FGFR2: variants seen among roughly 807,000 people sequenced by gnomAD.
The protein encoded by FGFR2 is fibroblast growth factor receptor 2.
A neutral mutation model predicts 95.9 loss-of-function variants in FGFR2; 19 were observed. That is an observed-to-expected ratio of 0.20 (90% CI 0.14 to 0.29). The LOEUF is 0.29. Among genes scored for constraint, FGFR2 ranks in the 10% least tolerant of loss-of-function variants. The pLI is 1.00. For missense variants in FGFR2, 707 were observed against 1,056.9 expected (o/e 0.67, Z 4.59); for synonymous variants, 392 against 393.3 (o/e 1.00, Z 0.04).
rs1845645784 is a variant in FGFR2, at chr10:121,488,025, A to G, written c.1952T>C (p.Ile651Thr). 1 of 1,614,110 alleles carries G rather than the reference A, an allele frequency of 6.2e-7. No homozygotes were observed. Among genetic ancestry groups the G allele is most frequent in the African/African-American group, 1.3e-5 (1 of 75,012 alleles). The change falls in exon 14 of 18, where the codon ATC becomes ACC. Residue 651 changes from isoleucine (I) to threonine (T), a missense_variant. Ile to Thr is a moderately conservative substitution (Grantham distance 89). Around this residue, in one of 7 missense-constraint regions of FGFR2, gnomAD observed 104 missense variants for 214.2 expected, o/e 0.49. Coordinates refer to ENST00000358487, the MANE Select transcript of FGFR2 (RefSeq NM_000141.5). ...CTTTTTGTAATAGTCTATATTGTTG[A>G]TATCTCTGGCGAGTCCAAAGTCTGC... ...KIADFGLARD[I>T]NNIDYYKKTT...
At position 121,518,580 on chromosome 10, in the gene FGFR2, G is replaced by T; in HGVS notation, c.940-1117C>A. On this transcript the variant is annotated intron_variant, in intron 7 of 17. Coordinates refer to ENST00000358487, the MANE Select transcript of FGFR2 (RefSeq NM_000141.5). This position sits in a 1 kb window ranked among gnomAD's most constrained non-coding sequence, Gnocchi z 4.0. Reference sequence around the variant, plus strand: ...TTATAAATATACCAAGGCCACAAGAGTTATCCTATAAGCTGCCTGCAGTCT... The same window carrying T: ...TTATAAATATACCAAGGCCACAAGATTTATCCTATAAGCTGCCTGCAGTCT... 7.5e-7 allele frequency: 1 copy of T among 1,326,442 alleles called. No homozygotes were observed. The allele number at this position is 1,326,442 out of a possible 1,614,324, so 82.2% of individuals were successfully genotyped here. A position where few individuals can be genotyped will look rare whatever the true frequency, so the allele number is the denominator to read the frequency against.
chr10:121,564,660 C>G, intron 3 of FGFR2, 81 bp from the exon 4 acceptor site: 1 of 1,290,032 alleles, frequency 7.8e-7, no homozygotes, highest in Non-Finnish European at 1.1e-6. Context: ...GAGACCTTCT[C>G]CATAGCAAAG....
intron 2 of FGFR2, among the ~76,000 whole-genome samples, chr10:121,591,261 G>C (rs1862605982): frequency 6.6e-6 from 1 of 152,138 alleles, no homozygotes; most frequent in Non-Finnish European, 1.5e-5. Flanking sequence ...AACACCAAGG[G>C]CCTCCTCCAT....
chr10:121,498,020 A>G (rs529588912), intron 12 of FGFR2, among the ~76,000 whole-genome samples: 1 of 152,354 alleles, frequency 6.6e-6, no homozygotes, highest in Admixed American at 6.5e-5. Flanking sequence ...TCCCCCAGGG[A>G]AAATAACGTA....
intron 6 of FGFR2, among the ~76,000 whole-genome samples, chr10:121,524,146 A>ACACACACACCCCC (rs142755962): frequency 6.5e-4 from 89 of 136,926 alleles, no homozygotes; most frequent in Non-Finnish European, 9.9e-4. Context: ...ACACACACAC[A>ACACACACACCCCC]CCCCAAGTTT....
intron 5 of FGFR2, among the ~76,000 whole-genome samples, chr10:121,551,002 C>T (rs1162610833): frequency 2.6e-5 from 4 of 152,052 alleles, no homozygotes; most frequent in Non-Finnish European, 4.4e-5. Flanking sequence ...AGGCGGATCA[C>T]GAGGTCAGGA....
intron 13 of FGFR2, among the ~76,000 whole-genome samples, chr10:121,493,300 C>A (rs574600028): frequency 6.6e-6 from 1 of 152,266 alleles, no homozygotes; most frequent in Non-Finnish European, 1.5e-5. Flanking sequence ...CGTTCTTCCA[C>A]GATTAAATGG....
In FGFR2 at chr10:121,597,944, G is replaced by C; in HGVS notation, c.-151+18C>G. ...CCCGGCTGGCGAAGCTCCCCGAGGC[G>C]TCTTGCGCGGCGATTACCTTGAATG... On this transcript the variant is annotated intron_variant, in intron 1 of 17. Transcript: ENST00000358487. 1 of 391,786 alleles carries C rather than the reference G, an allele frequency of 2.6e-6. No individual in the cohort carries two copies. The highest frequency in any genetic ancestry group is 2.1e-5 in the African/African-American group (1 of 48,612). The allele number at this position is 391,786 out of a possible 1,614,324, so 24.3% of individuals were successfully genotyped here. A position where few individuals can be genotyped will look rare whatever the true frequency, so the allele number is the denominator to read the frequency against.
At chr10:121,539,005 G>A (rs1409782276) in intron 5 of FGFR2, among the ~76,000 whole-genome samples, 1 of 152,214 alleles carries the variant, frequency 6.6e-6, no homozygotes, top group East Asian at 1.9e-4. Flanking sequence ...TCTAGGAGAG[G>A]CCAACTGGCC....
intron 17 of FGFR2, 33 bp from the exon 18 acceptor site, chr10:121,480,054 T>C (rs990239985): frequency 2.5e-6 from 4 of 1,588,110 alleles, no homozygotes; most frequent in Non-Finnish European, 3.5e-6. Flanking sequence ...TTTTATTTCA[T>C]CTTGGGTCAG....
intron 6 of FGFR2, among the ~76,000 whole-genome samples, chr10:121,524,423 T>C (rs1489596209): frequency 6.6e-6 from 1 of 152,174 alleles, no homozygotes; most frequent in Non-Finnish European, 1.5e-5. Context: ...AAAATGTTTT[T>C]AAAAAGTCAG....
intron 2 of FGFR2, among the ~76,000 whole-genome samples, chr10:121,567,705 T>C (rs1036201417): frequency 6.6e-6 from 1 of 152,238 alleles, no homozygotes; most frequent in African/African-American, 2.4e-5. Flanking sequence ...TGGCGGATGA[T>C]GGCCCGCGGG....
intron 2 of FGFR2, among the ~76,000 whole-genome samples, chr10:121,572,375 C>G (rs1327678849): frequency 6.6e-6 from 1 of 152,080 alleles, no homozygotes; most frequent in Non-Finnish European, 1.5e-5. Flanking sequence ...AATTTCAGCA[C>G]TTTGGGAGAC....
chr10:121,588,942 G>A (rs1862224556), intron 2 of FGFR2, among the ~76,000 whole-genome samples: 1 of 151,770 alleles, frequency 6.6e-6, no homozygotes, highest in South Asian at 2.1e-4. Flanking sequence ...AAAAACCAAA[G>A]GCTAAAATCA....
chr10:121,530,255 A>AC (rs1688369074), intron 6 of FGFR2: 1 of 152,322 alleles, frequency 6.6e-6, no homozygotes, highest in Non-Finnish European at 1.5e-5. Flanking sequence ...GGGAGAGGGA[A>AC]TCCGTGAAAG....
In FGFR2 at chr10:121,531,829, T is replaced by C. The variant is rs559787939; in HGVS notation, c.748+6763A>G. ...AGAGTAGAGACCCTTAGGGGTTGTCTGTGACAGCGATGGTTTATAAGAACA... is the reference window on the plus strand; with the variant it reads ...AGAGTAGAGACCCTTAGGGGTTGTCCGTGACAGCGATGGTTTATAAGAACA... On this transcript the variant is annotated intron_variant, in intron 6 of 17. Coordinates refer to ENST00000358487, the MANE Select transcript of FGFR2 (RefSeq NM_000141.5). This position sits in a 1 kb window ranked among gnomAD's most constrained non-coding sequence, Gnocchi z 4.5. Among the ~76,000 whole-genome samples the C allele has an allele frequency of 1.7e-4, 26 of 152,268 alleles. No individual in the cohort carries two copies. Among genetic ancestry groups the C allele is most frequent in the Admixed American group, 3.9e-4 (6 of 15,290 alleles).
Position 121,479,945 on chromosome 10 carries a change from C to T in FGFR2, c.2378G>A (p.Gly793Glu), listed in dbSNP as rs1206283619. 1 of 1,614,008 alleles carries T rather than the reference C, an allele frequency of 6.2e-7. No individual in the cohort carries two copies. The highest frequency in any genetic ancestry group is 8.5e-7 in the Non-Finnish European group (1 of 1,180,036). Residue 793 changes from glycine to glutamate, a missense_variant, in exon 18 of 18, where the codon GGA becomes GAA. Physicochemically the swap from Gly to Glu is moderately conservative, Grantham distance 98. Around this residue, in one of 7 missense-constraint regions of FGFR2, gnomAD observed 51 missense variants for 50.2 expected, o/e 1.01. Coordinates refer to ENST00000358487, the MANE Select transcript of FGFR2 (RefSeq NM_000141.5). ...GTCTGGAGAAAAAACAGAATCATCT[C>T]CTGAAGAACAAGAACTTCTTGTGTC... ...YPDTRSSCSS[G>E]DDSVFSPDPM...
At chr10:121,571,961 A>AT (rs1273787758) in intron 2 of FGFR2, among the ~76,000 whole-genome samples, 1 of 151,768 alleles carries the variant, frequency 6.6e-6, no homozygotes, top group Non-Finnish European at 1.5e-5. Flanking sequence ...AAATAAAAAA[A>AT]AAAATTGACT....
At chr10:121,532,980 C>A (rs555482658) in intron 6 of FGFR2, among the ~76,000 whole-genome samples, 1 of 152,290 alleles carries the variant, frequency 6.6e-6, no homozygotes, top group Admixed American at 6.5e-5. Context: ...GATGCCTGAC[C>A]CATCCAGAAG....
Sources: allele counts gnomAD v4.1 joint callset (sites outside exome capture counted in the v4.1 genomes callset), GRCh38; gene constraint gnomAD v4.1.1; regional missense constraint gnomAD v4.1.1; non-coding constraint Gnocchi (gnomAD v3.1); transcripts MANE v1.5; gene names NCBI Gene and HGNC (gene_info 2026-07-23, HGNC 2026-07-21).